The following TMEM200A variants were observed in gnomAD, a reference collection of about 807,000 sequenced individuals.
TMEM200A encodes transmembrane protein 200A, also known as two transmembrane C.
A neutral mutation model predicts 24.3 loss-of-function variants in TMEM200A; 12 were observed. The ratio of observed to expected loss-of-function variants is 0.49; its 90% CI spans 0.32 to 0.80. The LOEUF (loss-of-function observed/expected upper bound fraction) is 0.80, where lower values mean the gene tolerates loss of function less well. Ranked by LOEUF, TMEM200A falls within the 30% of genes least tolerant of loss-of-function variation. The pLI, the probability that TMEM200A is intolerant of heterozygous loss-of-function variation, is 0.04. For missense variants in TMEM200A, 545 were observed against 614.4 expected (o/e 0.89, Z 1.19); for synonymous variants, 224 against 224.4 (o/e 1.00, Z 0.02).
At chr6:130,382,576 C>T (rs138804005) in intron 1 of TMEM200A, among the ~76,000 whole-genome samples, 283 of 152,286 alleles carry the variant, frequency 1.9e-3, no homozygotes, top group Middle Eastern at 3.4e-3. Flanking sequence ...AGTGACTGGT[C>T]TATCTTCTGT....
At chr6:130,394,454 G>A (rs921415044) in intron 2 of TMEM200A, among the ~76,000 whole-genome samples, 3 of 152,076 alleles carry the variant, frequency 2.0e-5, no homozygotes, top group African/African-American at 7.2e-5. Context: ...CTCTCCCCAC[G>A]CTGCTTCTGC....
intron 1 of TMEM200A, among the ~76,000 whole-genome samples, chr6:130,372,770 T>C (rs904589717): frequency 6.6e-6 from 1 of 152,186 alleles, no homozygotes; most frequent in Non-Finnish European, 1.5e-5. Flanking sequence ...ATTGACTGTG[T>C]ATGTATGTAC....
chr6:130,429,387 TG>T (rs1292146367), intron 2 of TMEM200A, among the ~76,000 whole-genome samples: 1 of 152,142 alleles, frequency 6.6e-6, no homozygotes, highest in African/African-American at 2.4e-5. Flanking sequence ...CCAGGCATGG[TG>T]TCATGCGCCT....
chr6:130,409,494 T>G (rs193035033), intron 2 of TMEM200A, among the ~76,000 whole-genome samples: 307 of 152,272 alleles, frequency 2.0e-3, no homozygotes, highest in Non-Finnish European at 3.4e-3. Flanking sequence ...CAGGGACCAG[T>G]GAGGAGGTGC....
At chr6:130,430,382 A>G (rs1562570760) in intron 2 of TMEM200A, among the ~76,000 whole-genome samples, 2 of 152,184 alleles carry the variant, frequency 1.3e-5, no homozygotes, top group Admixed American at 6.5e-5. Context: ...AGGCATATTC[A>G]GCCTATAGCA....
intron 2 of TMEM200A, among the ~76,000 whole-genome samples, chr6:130,403,753 C>A (rs1779142638): frequency 6.6e-6 from 1 of 151,936 alleles, no homozygotes; most frequent in Admixed American, 6.6e-5. Context: ...GTTTGTTGTA[C>A]AGATTATTTC....
rs1778144545 is a variant in TMEM200A at position 130,366,332 on chromosome 6, C to G, written c.-273C>G. ...CGCCTGACTCATCCGCCCGCGGTGG[C>G]CGCCCGAGCCCTGGGATGGGGAGGG... is the stretch of plus-strand genomic sequence containing the variant. On this transcript the variant is annotated 5_prime_UTR_variant, in exon 1 of 3. Transcript: ENST00000296978. The surrounding 1 kb of genome is among the most constrained non-coding windows in gnomAD (Gnocchi z 4.4). The G allele has an allele frequency of 2.0e-6, 2 of 981,092 alleles. No individual in the cohort carries two copies. The highest frequency in any genetic ancestry group is 5.2e-4 in the Middle Eastern group (1 of 1,906). 60.8% of individuals were successfully genotyped at this position (981,092 alleles called of 1,614,324 possible).
Position 130,398,755 on chromosome 6 carries a change from A to G in TMEM200A, c.-17+13519A>G, listed in dbSNP as rs376305869. Among the ~76,000 whole-genome samples the G allele has an allele frequency of 2.0e-4, 30 of 152,056 alleles. 1 individual carries two copies. The South Asian group carries it at 3.9e-3, about 20-fold the overall frequency. On this transcript the variant is annotated intron_variant, in intron 2 of 2. Coordinates refer to ENST00000296978, the MANE Select transcript of TMEM200A (RefSeq NM_001258277.2). ...GATTAGTGATGATGAGCATTTTTTC[A>G]TGTATATATTTGTTGACTTCATGTG...
intron 2 of TMEM200A, among the ~76,000 whole-genome samples, chr6:130,424,772 T>C (rs1779688466): frequency 6.6e-6 from 1 of 152,084 alleles, no homozygotes; most frequent in Admixed American, 6.6e-5. Flanking sequence ...CCTAGAGATG[T>C]TACCAGTGAA....
At chr6:130,401,544 T>C (rs766033087) in intron 2 of TMEM200A, among the ~76,000 whole-genome samples, 3 of 151,798 alleles carry the variant, frequency 2.0e-5, no homozygotes, top group Non-Finnish European at 4.4e-5. Flanking sequence ...TTTTGTCTTT[T>C]TCACTGTATT....
chr6:130,391,739 T>C (rs1276623920), intron 2 of TMEM200A, among the ~76,000 whole-genome samples: 2 of 75,606 alleles, frequency 2.6e-5, no homozygotes, highest in African/African-American at 1.6e-4. Context: ...TCCTTTTTTT[T>C]TTTTTTTTTT....
At chr6:130,391,978 C>T (rs1207840137) in intron 2 of TMEM200A, among the ~76,000 whole-genome samples, 3 of 152,040 alleles carry the variant, frequency 2.0e-5, no homozygotes, top group African/African-American at 7.2e-5. Context: ...CTCCTGACCT[C>T]GTGATCCTCC....
intron 2 of TMEM200A, among the ~76,000 whole-genome samples, chr6:130,404,239 T>C (rs925069318): frequency 1.3e-5 from 2 of 152,210 alleles, no homozygotes; most frequent in Non-Finnish European, 2.9e-5. Flanking sequence ...TTTATGTCTC[T>C]GAAGAATTGC....
chr6:130,420,352 A>C (rs1359166652), intron 2 of TMEM200A, among the ~76,000 whole-genome samples: 1 of 152,170 alleles, frequency 6.6e-6, no homozygotes, highest in African/African-American at 2.4e-5. Flanking sequence ...TGATTTGGCC[A>C]GTCCCTCTTC....
chr6:130,404,791 T>C (rs1779169233), intron 2 of TMEM200A, among the ~76,000 whole-genome samples: 1 of 152,184 alleles, frequency 6.6e-6, no homozygotes, highest in Admixed American at 6.5e-5. Context: ...TTTTATAGTT[T>C]TGGGTTTTAC....
At chr6:130,372,913 T>C (rs1286614353) in intron 1 of TMEM200A, among the ~76,000 whole-genome samples, 13 of 152,146 alleles carry the variant, frequency 8.5e-5, no homozygotes, top group Admixed American at 8.5e-4. Context: ...TGTAAACAAA[T>C]GGTTACAATG....
upstream of TMEM200A, chr6:130,365,959 C>T: frequency 1.0e-6 from 1 of 973,766 alleles, no homozygotes; most frequent in Non-Finnish European, 1.2e-6. Flanking sequence ...CCGCCCCGGC[C>T]CCCGCCCCCA....
At chr6:130,399,203 A>G (rs1354342923) in intron 2 of TMEM200A, among the ~76,000 whole-genome samples, 1 of 151,874 alleles carries the variant, frequency 6.6e-6, no homozygotes, top group Admixed American at 6.6e-5. Flanking sequence ...GGTTGTTTTC[A>G]AGATTTTCTG....
chr6:130,367,782 G>T (rs1246537894), intron 1 of TMEM200A, among the ~76,000 whole-genome samples: 4 of 152,142 alleles, frequency 2.6e-5, no homozygotes, highest in African/African-American at 9.7e-5. Context: ...TTAACAGTAT[G>T]ATTTTTTTAC....
Sources: gnomAD v4.1 joint callset for allele counts (sites outside exome capture counted in the v4.1 genomes callset) on GRCh38, gnomAD v4.1.1 for gene constraint, Gnocchi (gnomAD v3.1) non-coding constraint, MANE v1.5 for transcripts, NCBI Gene and HGNC (gene_info 2026-07-23, HGNC 2026-07-21) for gene names.